CCNA2: variants seen among roughly 807,000 people sequenced by gnomAD.
The protein encoded by CCNA2 is cyclin A2, also known as cyclin-A2.
A neutral mutation model predicts 49.4 loss-of-function variants in CCNA2; 3 were observed. The observed-to-expected ratio is 0.06, with a 90% CI of 0.03 to 0.16. CCNA2 has a LOEUF of 0.16. Among genes scored for constraint, CCNA2 ranks in the 10% least tolerant of loss-of-function variants. The probability of loss-of-function intolerance (pLI) is 1.00; values close to 1 mark genes in which losing one functional copy is unlikely to be tolerated. For synonymous variants in CCNA2, 206 were observed against 197.2 expected, an observed-to-expected ratio of 1.04 and a Z score of -0.37; for missense variants, 372 against 519.7, an observed-to-expected ratio of 0.72 and a Z score of 2.76.
intron 6 of CCNA2, 140 bp downstream of exon 6, chr4:121,818,660 T>A (rs1724612630): frequency 1.6e-6 from 1 of 618,604 alleles, no homozygotes; most frequent in Admixed American, 2.8e-5. Flanking sequence ...ACCTGTGTTT[T>A]TCAAAGGTCA....
chr4:121,817,418 T>C lies in CCNA2; in HGVS notation c.*220A>G, dbSNP rs1358507863. The C allele has an allele frequency of 2.2e-6, 1 of 464,024 alleles. No individual in the cohort carries two copies. Among genetic ancestry groups the C allele is most frequent in the African/African-American group, 2.0e-5 (1 of 49,786 alleles). The allele number at this position is 464,024 out of a possible 1,614,324, so 28.7% of individuals were successfully genotyped here. On this transcript the variant is annotated 3_prime_UTR_variant, in exon 8 of 8. Transcript: ENST00000274026. ...TCCTGACAGCTGGCATCATTAATAC[T>C]TTAACAAAACCACTTAAAATTAGCC... is the stretch of plus-strand genomic sequence containing the variant.
chr4:121,818,253 AG>A, intron 6 of CCNA2, 76 bp from the exon 7 acceptor site: 3 of 1,325,254 alleles, frequency 2.3e-6, no homozygotes, highest in East Asian at 2.4e-5. Flanking sequence ...GTTGGCATTA[AG>A]CTTATGTTAA....
At chr4:121,819,234 C>T (rs971431010) in intron 5 of CCNA2, 138 bp downstream of exon 5, 3 of 661,410 alleles carry the variant, frequency 4.5e-6, no homozygotes, top group Non-Finnish European at 7.8e-6. Flanking sequence ...TTCCATACTG[C>T]AGCATTAATC....
intron 2 of CCNA2, among the ~76,000 whole-genome samples, chr4:121,821,357 A>G (rs542735986): frequency 2.0e-5 from 3 of 152,006 alleles, no homozygotes; most frequent in African/African-American, 7.2e-5. Flanking sequence ...ATCAGGTATT[A>G]TCTTAAAGTA....
chr4:121,817,629 C>A lies in CCNA2; in HGVS notation c.*9G>T. On this transcript the variant is annotated 3_prime_UTR_variant, in exon 8 of 8. Coordinates refer to ENST00000274026, the MANE Select transcript of CCNA2 (RefSeq NM_001237.5). ...TTACATCTTAGAAAACAAAGGCAGT[C>A]TTTCATTGTTACAGATTTAGTGTCT... The A allele has an allele frequency of 6.2e-7, 1 of 1,613,600 alleles. No homozygotes were observed.
rs772507554 is a variant in CCNA2, at chr4:121,816,799, A to G, written c.*839T>C. 1 of 1,602,416 alleles carries G rather than the reference A, an allele frequency of 6.2e-7. No individual in the cohort carries two copies. Among genetic ancestry groups the G allele is most frequent in the Non-Finnish European group, 8.5e-7 (1 of 1,174,140 alleles). ...CACAGACCACCAGTGCAAAACAAGAAAAAGCACCAAGTAAAAAGCCAGTGA... is the reference window on the plus strand; with the variant it reads ...CACAGACCACCAGTGCAAAACAAGAGAAAGCACCAAGTAAAAAGCCAGTGA... On this transcript the variant is annotated 3_prime_UTR_variant, in exon 8 of 8. Coordinates refer to ENST00000274026, the MANE Select transcript of CCNA2 (RefSeq NM_001237.5).
At position 121,818,895 on chromosome 4, in the gene CCNA2, A is replaced by C. The variant is rs757585851; in HGVS notation, c.1021T>G (p.Leu341Val). ...TTGAGGTATGGGTCAGCATCTATCAAACTTAATTCTCCCAAAAACTGGAAT... is the reference window on the plus strand; with the variant it reads ...TTGAGGTATGGGTCAGCATCTATCACACTTAATTCTCCCAAAAACTGGAAT... ...SLAMFLGELS[L>V]IDADPYLKYL... The change falls in exon 6 of 8, where the codon TTG (leucine) becomes GTG (valine). Residue 341 changes from leucine (L) to valine (V), a missense_variant. Physicochemically the swap from Leu to Val is conservative, Grantham distance 32. Around this residue, in one of 2 missense-constraint regions of CCNA2, gnomAD observed 155 missense variants for 288.1 expected, o/e 0.54. Coordinates refer to ENST00000274026, the MANE Select transcript of CCNA2 (RefSeq NM_001237.5). 6.2e-7 allele frequency: 1 copy of C among 1,609,664 alleles called. No individual in the cohort carries two copies. Among genetic ancestry groups the C allele is most frequent in the Non-Finnish European group, 8.5e-7 (1 of 1,175,910 alleles).
chr4:121,818,958 A>T (rs774324136), intron 5 of CCNA2, 45 bp from the exon 6 acceptor site: 3 of 1,294,086 alleles, frequency 2.3e-6, no homozygotes. Context: ...TTTAGAATTC[A>T]AATGTCAAAC....
At chr4:121,818,950 T>G (rs749239926) in intron 5 of CCNA2, 37 bp from the exon 6 acceptor site, 1 of 1,362,686 alleles carries the variant, frequency 7.3e-7, no homozygotes, top group Non-Finnish European at 1.1e-6. Flanking sequence ...CAAGAGCGTT[T>G]AGAATTCAAA....
At chr4:121,822,730 A>C (rs1724720341) in intron 1 of CCNA2, 84 bp from the exon 2 acceptor site, 1 of 1,352,374 alleles carries the variant, frequency 7.4e-7, no homozygotes, top group Admixed American at 2.2e-5. Context: ...TTTTTCTCCC[A>C]AATACTCTAT....
Position 121,819,353 on chromosome 4 carries a change from A to G in CCNA2, c.1002+19T>C, listed in dbSNP as rs765557163. On this transcript the variant is annotated intron_variant, in intron 5 of 7. Coordinates refer to ENST00000274026, the MANE Select transcript of CCNA2 (RefSeq NM_001237.5). ...TATTACCAAAGAATCACCATTCAAC[A>G]AAATGAAAGTTAACTCACCATTGCT... The G allele has an allele frequency of 3.1e-6, 5 of 1,592,682 alleles. No homozygotes were observed. Among genetic ancestry groups the G allele is most frequent in the Non-Finnish European group, 4.3e-6 (5 of 1,160,824 alleles).
chr4:121,816,909 A>T lies in CCNA2; in HGVS notation c.*729T>A. 2 of 1,427,480 alleles carry T rather than the reference A, an allele frequency of 1.4e-6. No individual in the cohort carries two copies. The highest frequency in any genetic ancestry group is 1.9e-6 in the Non-Finnish European group (2 of 1,070,478). The allele number at this position is 1,427,480 out of a possible 1,614,324, so 88.4% of individuals were successfully genotyped here. ...AACTATTAAAAGGGATATTTATTCC[A>T]TTCTGAGAACCCTGGGTATTTTTTA... On this transcript the variant is annotated 3_prime_UTR_variant, in exon 8 of 8. Transcript: ENST00000274026.
At chr4:121,822,314 C>T in intron 2 of CCNA2, 89 bp downstream of exon 2, 1 of 1,309,326 alleles carries the variant, frequency 7.6e-7, no homozygotes, top group Non-Finnish European at 1.1e-6. Context: ...GTCAAAATGA[C>T]TACATAAGAC....
chr4:121,820,963 T>A lies in CCNA2; in HGVS notation c.570+16A>T. 1 of 1,592,948 alleles carries A rather than the reference T, an allele frequency of 6.3e-7. No individual in the cohort carries two copies. On this transcript the variant is annotated intron_variant, in intron 3 of 7. Transcript: ENST00000274026. This position sits in a 1 kb window ranked among gnomAD's most constrained non-coding sequence, Gnocchi z 4.1. ...TAACAAATACATTATACAAACTGGA[T>A]TCAGAGAACCTTTACCTCCATTTCC... is the stretch of plus-strand genomic sequence containing the variant.
Position 121,820,417 on chromosome 4 carries a change from A to AT in CCNA2, c.794+124dup. ...CCTCCACTGCCCTAAGCCCCAGCAC[A>AT]TTGCCATCCCTAAAGTAGTCACTGA... is the stretch of plus-strand genomic sequence containing the variant. On this transcript the variant is annotated intron_variant, in intron 4 of 7. Coordinates refer to ENST00000274026, the MANE Select transcript of CCNA2 (RefSeq NM_001237.5). The surrounding 1 kb of genome is among the most constrained non-coding windows in gnomAD (Gnocchi z 4.1). 1.5e-6 allele frequency: 1 copy of AT among 656,722 alleles called. No homozygotes were observed. The highest frequency in any genetic ancestry group is 2.7e-6 in the Non-Finnish European group (1 of 373,400). 40.7% of individuals were successfully genotyped at this position (656,722 alleles called of 1,614,324 possible).
chr4:121,822,985 G>A (rs1389796993), intron 1 of CCNA2, among the ~76,000 whole-genome samples: 1 of 152,186 alleles, frequency 6.6e-6, no homozygotes, highest in African/African-American at 2.4e-5. Context: ...AGCAAATCCG[G>A]CTAAAATGGC....
At position 121,822,439 on chromosome 4, in the gene CCNA2, A is replaced by G. The variant is rs140695662; in HGVS notation, c.421T>C (p.Leu141=). The G allele has an allele frequency of 6.1e-5, 98 of 1,614,044 alleles. No homozygotes were observed. Among genetic ancestry groups the G allele is most frequent in the African/African-American group, 3.5e-4 (26 of 74,930 alleles). The change falls in exon 2 of 8, where the codon TTG becomes CTG. Residue 141 remains leucine (L), a synonymous_variant. Coordinates refer to ENST00000274026, the MANE Select transcript of CCNA2 (RefSeq NM_001237.5). ...AISLPGPRKP[L]VPLDYPMDGS... is the part of the protein sequence containing the mutation. ...TCCATTGGATAATCAAGAGGGACCA[A>G]TGGTTTTCTGGGTCCAGGTAAACTA...
chr4:121,819,251 T>C, intron 5 of CCNA2, 121 bp downstream of exon 5: 1 of 710,188 alleles, frequency 1.4e-6, no homozygotes, highest in Non-Finnish European at 2.4e-6. Context: ...AATCTCCCTC[T>C]GAATACTAAA....
chr4:121,819,309 A>T, intron 5 of CCNA2, 63 bp downstream of exon 5: 2 of 1,286,066 alleles, frequency 1.6e-6, no homozygotes, highest in Non-Finnish European at 2.2e-6. Flanking sequence ...TTACAAAGGA[A>T]TTAGGGCTTA....
Sources: gnomAD v4.1 joint callset for allele counts (sites outside exome capture counted in the v4.1 genomes callset) on GRCh38, gnomAD v4.1.1 for gene constraint, gnomAD v4.1.1 regional missense constraint, Gnocchi (gnomAD v3.1) non-coding constraint, MANE v1.5 for transcripts, NCBI Gene and HGNC (gene_info 2026-07-23, HGNC 2026-07-21) for gene names.